The following PEX5L variants were observed in gnomAD, a reference collection of about 807,000 sequenced individuals.
PEX5L encodes peroxisomal biogenesis factor 5 like.
In PEX5L, 30 loss-of-function variants were observed where a neutral mutation model predicts 84.0. The observed-to-expected ratio is 0.36, with a 90% CI of 0.27 to 0.48. The LOEUF is 0.48. Ranked by LOEUF, PEX5L falls within the 20% of genes least tolerant of loss-of-function variation. The pLI is 0.99. For missense variants in PEX5L, 533 were observed against 754.6 expected (o/e 0.71, Z 3.44); for synonymous variants, 270 against 283.1 (o/e 0.95, Z 0.46).
intron 8 of PEX5L, among the ~76,000 whole-genome samples, chr3:179,830,234 T>C (rs1732285770): frequency 6.6e-6 from 1 of 151,992 alleles, no homozygotes; most frequent in African/African-American, 2.4e-5. Context: ...ATTTAAAAAA[T>C]CACTTATATT....
At chr3:179,831,752 T>C (rs1733054739) in intron 8 of PEX5L, among the ~76,000 whole-genome samples, 1 of 152,124 alleles carries the variant, frequency 6.6e-6, no homozygotes, top group African/African-American at 2.4e-5. Flanking sequence ...ATGTCAGCCA[T>C]GTAATGGCAC....
chr3:179,984,810 C>T (rs1041757498), intron 1 of PEX5L, among the ~76,000 whole-genome samples: 9 of 152,078 alleles, frequency 5.9e-5, no homozygotes, highest in Non-Finnish European at 1.2e-4. Context: ...ATGATACTAG[C>T]TTTAGTGCTT....
intron 9 of PEX5L, among the ~76,000 whole-genome samples, chr3:179,819,376 G>A (rs1306380726): frequency 6.6e-6 from 1 of 152,134 alleles, no homozygotes; most frequent in Non-Finnish European, 1.5e-5. Flanking sequence ...ACCTGGTTGT[G>A]TGAGAGCATC....
chr3:179,849,391 C>T (rs1478197070), intron 8 of PEX5L, among the ~76,000 whole-genome samples: 1 of 152,070 alleles, frequency 6.6e-6, no homozygotes, highest in East Asian at 1.9e-4. Flanking sequence ...ATCTGTTTTC[C>T]ATCTGATCTC....
chr3:179,924,319 T>C (rs1414662694), intron 2 of PEX5L, among the ~76,000 whole-genome samples: 1 of 152,202 alleles, frequency 6.6e-6, no homozygotes, highest in Admixed American at 6.5e-5. Context: ...ACTCCCCAGC[T>C]AGATGCCACC....
chr3:179,974,414 T>C (rs924465419), intron 1 of PEX5L, among the ~76,000 whole-genome samples: 6 of 152,178 alleles, frequency 3.9e-5, no homozygotes, highest in African/African-American at 1.2e-4. Flanking sequence ...TGCCCATTTA[T>C]GGACGACTTT....
At chr3:179,826,081 C>G (rs1730384942) in intron 8 of PEX5L, among the ~76,000 whole-genome samples, 1 of 152,006 alleles carries the variant, frequency 6.6e-6, no homozygotes, top group African/African-American at 2.4e-5. Context: ...AATGTGCCAG[C>G]AGGGTAGCTG....
Position 179,898,228 on chromosome 3 carries a change from C to G in PEX5L, c.112G>C (p.Ala38Pro). ...ATCACCATGGCAACAGCCTTATCTG[C>G]CGCCCTAGAGCCTTTTCCCTATAAC... ...DQKQGKGSRAADKAVAMVMKE... is the reference protein window; with the variant it reads ...DQKQGKGSRAPDKAVAMVMKE... The change falls in exon 3 of 15, where the codon GCA becomes CCA. Residue 38 changes from alanine to proline, a missense_variant. Ala to Pro is a conservative substitution (Grantham distance 27, BLOSUM62 -1). Around this residue, in one of 8 missense-constraint regions of PEX5L, gnomAD observed 259 missense variants for 301.7 expected, o/e 0.86. Coordinates refer to ENST00000467460, the MANE Select transcript of PEX5L (RefSeq NM_016559.3). 6.2e-7 allele frequency: 1 copy of G among 1,612,782 alleles called. No individual in the cohort carries two copies. The highest frequency in any genetic ancestry group is 8.5e-7 in the Non-Finnish European group (1 of 1,178,908).
intron 2 of PEX5L, among the ~76,000 whole-genome samples, chr3:179,944,335 T>C (rs1423644106): frequency 1.3e-5 from 2 of 152,182 alleles, no homozygotes; most frequent in African/African-American, 4.8e-5. Context: ...ATAGACACTA[T>C]GGTCCCCACT....
At chr3:179,928,482 G>A (rs933646212) in intron 2 of PEX5L, among the ~76,000 whole-genome samples, 12 of 152,132 alleles carry the variant, frequency 7.9e-5, no homozygotes, top group African/African-American at 2.9e-4. Context: ...CCCCACTTAA[G>A]CTTCAAACAA....
chr3:179,958,265 T>C (rs1560920186), intron 2 of PEX5L, among the ~76,000 whole-genome samples: 1 of 152,252 alleles, frequency 6.6e-6, no homozygotes, highest in East Asian at 1.9e-4. Flanking sequence ...GAGGGAGGTA[T>C]GATGAAAGGA....
chr3:179,814,697 G>A (rs1412570639), intron 10 of PEX5L, among the ~76,000 whole-genome samples: 2 of 152,090 alleles, frequency 1.3e-5, no homozygotes, highest in Admixed American at 6.5e-5. Flanking sequence ...AAGCTTTTTG[G>A]TGGTCTCCCA....
At chr3:180,018,092 G>A (rs959161287) in intron 1 of PEX5L, among the ~76,000 whole-genome samples, 2 of 152,156 alleles carry the variant, frequency 1.3e-5, no homozygotes, top group Non-Finnish European at 2.9e-5. Context: ...GTTGTACAGT[G>A]TGTCAGGAAC....
intron 14 of PEX5L, among the ~76,000 whole-genome samples, chr3:179,803,599 G>C (rs1214293937): frequency 2.6e-5 from 4 of 152,160 alleles, no homozygotes; most frequent in Admixed American, 2.6e-4. Flanking sequence ...GAGTATATCT[G>C]ACACACTGAT....
intron 3 of PEX5L, among the ~76,000 whole-genome samples, chr3:179,890,414 A>C (rs536541949): frequency 3.3e-5 from 5 of 152,228 alleles, no homozygotes; most frequent in Non-Finnish European, 7.3e-5. Context: ...AATTGTATAA[A>C]GCGCAAAGAC....
chr3:179,871,078 C>T (rs1750153121), intron 7 of PEX5L, among the ~76,000 whole-genome samples: 1 of 148,600 alleles, frequency 6.7e-6, no homozygotes, highest in African/African-American at 2.5e-5. Context: ...CCTTGATTTT[C>T]CTGTGAACCA....
chr3:179,867,439 T>C (rs1295335015), intron 7 of PEX5L, among the ~76,000 whole-genome samples: 1 of 152,140 alleles, frequency 6.6e-6, no homozygotes, highest in Non-Finnish European at 1.5e-5. Flanking sequence ...GAAGTGGTCT[T>C]TCAGATTTCT....
chr3:179,914,410 G>A (rs574168578), intron 2 of PEX5L, among the ~76,000 whole-genome samples: 7 of 152,074 alleles, frequency 4.6e-5, no homozygotes, highest in African/African-American at 7.2e-5. Flanking sequence ...TTCCCTTCTC[G>A]TCATCTTTAC....
At chr3:179,810,624 G>C (rs992551595) in intron 11 of PEX5L, among the ~76,000 whole-genome samples, 3 of 152,176 alleles carry the variant, frequency 2.0e-5, no homozygotes, top group Non-Finnish European at 4.4e-5. Context: ...CTCAGGTGAT[G>C]ATGAGGTCTC....
Sources: allele counts gnomAD v4.1 joint callset (sites outside exome capture counted in the v4.1 genomes callset), GRCh38; gene constraint gnomAD v4.1.1; regional missense constraint gnomAD v4.1.1; transcripts MANE v1.5; gene names NCBI Gene and HGNC (gene_info 2026-07-23, HGNC 2026-07-21).